ITPR2: variants seen among roughly 807,000 people sequenced by gnomAD.
The protein encoded by ITPR2 is inositol 1,4,5-trisphosphate receptor type 2, also known as inositol 1,4,5-trisphosphate-gated calcium channel ITPR2.
Under a neutral mutation model 317.1 loss-of-function variants are expected in ITPR2, and 207 were observed. The ratio of observed to expected loss-of-function variants is 0.65; its 90% CI spans 0.58 to 0.73. ITPR2 has a LOEUF of 0.73. ITPR2 is among the 30% of genes least tolerant of loss of function. The probability of loss-of-function intolerance (pLI) is 0.00; values close to 1 mark genes in which losing one functional copy is unlikely to be tolerated. For synonymous variants in ITPR2, 1,156 were observed against 1,149.1 expected, an observed-to-expected ratio of 1.01 and a Z score of -0.12; for missense variants, 2,613 against 3,284.0, an observed-to-expected ratio of 0.80 and a Z score of 4.99.
intron 1 of ITPR2, among the ~76,000 whole-genome samples, chr12:26,794,409 G>A (rs61920589): frequency 0.017 from 2,627 of 152,166 alleles, 28 homozygotes; most frequent in Non-Finnish European, 0.027. Context: ...TATTTTCTAC[G>A]TTTTTATTGT....
intron 26 of ITPR2, among the ~76,000 whole-genome samples, chr12:26,608,486 G>A (rs796908628): frequency 7.6e-6 from 1 of 131,860 alleles, no homozygotes; most frequent in African/African-American, 2.6e-5. Flanking sequence ...CTGCCTGGCC[G>A]CCCCACAGTC....
chr12:26,494,120 T>C (rs1025348838), intron 39 of ITPR2, 33 bp downstream of exon 39: 1 of 1,506,682 alleles, frequency 6.6e-7, no homozygotes, highest in Non-Finnish European at 9.0e-7. Context: ...ATACCAATAA[T>C]AAATGTAATC....
At chr12:26,477,381 T>C (rs1230507922) in intron 43 of ITPR2, among the ~76,000 whole-genome samples, 1 of 140,820 alleles carries the variant, frequency 7.1e-6, no homozygotes, top group Non-Finnish European at 1.6e-5. Context: ...ATCAGTAACA[T>C]ATTTTACAGA....
intron 37 of ITPR2, among the ~76,000 whole-genome samples, chr12:26,541,181 G>A (rs921555939): frequency 1.4e-4 from 21 of 147,358 alleles, no homozygotes; most frequent in Non-Finnish European, 3.1e-4. Flanking sequence ...GCTGGACATG[G>A]TGGCAGCCGC....
intron 2 of ITPR2, among the ~76,000 whole-genome samples, chr12:26,743,822 C>T (rs1303472757): frequency 2.0e-5 from 3 of 152,112 alleles, no homozygotes; most frequent in Non-Finnish European, 2.9e-5. Flanking sequence ...ACCCGGGAGG[C>T]GGAGGTTGAG....
intron 1 of ITPR2, among the ~76,000 whole-genome samples, chr12:26,811,897 C>T (rs1273191211): frequency 6.9e-6 from 1 of 145,578 alleles, no homozygotes; most frequent in Non-Finnish European, 1.5e-5. Flanking sequence ...GGCGTGGTGG[C>T]TCAAACCTGT....
intron 26 of ITPR2, among the ~76,000 whole-genome samples, chr12:26,615,907 T>A (rs1946362566): frequency 6.6e-6 from 1 of 152,014 alleles, no homozygotes; most frequent in Non-Finnish European, 1.5e-5. Context: ...TAAGCTTGAT[T>A]TGCCAGTCAT....
intron 45 of ITPR2, among the ~76,000 whole-genome samples, chr12:26,448,491 A>C (rs16930734): frequency 0.12 from 18,241 of 152,206 alleles, 1,205 homozygotes; most frequent in Middle Eastern, 0.17. Context: ...GCAGTTTCAA[A>C]AGAATTTTAG....
At chr12:26,724,523 G>A (rs1296298652) in intron 4 of ITPR2, 133 bp downstream of exon 4, 6 of 666,494 alleles carry the variant, frequency 9.0e-6, no homozygotes, top group Admixed American at 4.7e-5. Context: ...ATCACAATAC[G>A]TCACAACATC....
intron 1 of ITPR2, among the ~76,000 whole-genome samples, chr12:26,811,068 A>G (rs756630661): frequency 6.7e-6 from 1 of 150,106 alleles, no homozygotes; most frequent in African/African-American, 2.5e-5. Flanking sequence ...AAACAGAAAG[A>G]TACTCTAATG....
At chr12:26,725,360 G>C (rs976622855) in intron 3 of ITPR2, among the ~76,000 whole-genome samples, 1 of 152,014 alleles carries the variant, frequency 6.6e-6, no homozygotes, top group Non-Finnish European at 1.5e-5. Context: ...AAATATAACT[G>C]GATTTAATAT....
chr12:26,772,864 C>T (rs889314316), intron 2 of ITPR2, among the ~76,000 whole-genome samples: 6 of 151,686 alleles, frequency 4.0e-5, no homozygotes, highest in East Asian at 3.9e-4. Flanking sequence ...TTTTAAGCCC[C>T]GCATGCATTA....
intron 30 of ITPR2, 68 bp downstream of exon 30, chr12:26,599,077 G>C: frequency 7.3e-7 from 1 of 1,375,498 alleles, no homozygotes; most frequent in Middle Eastern, 1.8e-4. Flanking sequence ...CTTTTTCACT[G>C]TAATAGAAAA....
chr12:26,784,667 G>A (rs1198891058), intron 2 of ITPR2, among the ~76,000 whole-genome samples: 1 of 151,568 alleles, frequency 6.6e-6, no homozygotes, highest in East Asian at 2.0e-4. Context: ...AGGCTGGAGT[G>A]CAGTGGCGTG....
chr12:26,524,038 C>G (rs1943740506), intron 37 of ITPR2, among the ~76,000 whole-genome samples: 1 of 152,182 alleles, frequency 6.6e-6, no homozygotes. Context: ...AAAACAGGGA[C>G]CATTTCCCTA....
At chr12:26,647,582 A>G (rs1248890127) in intron 21 of ITPR2, among the ~76,000 whole-genome samples, 3 of 152,372 alleles carry the variant, frequency 2.0e-5, no homozygotes, top group East Asian at 1.9e-4. Context: ...TTTAACTTCT[A>G]TAAGTGACAA....
At chr12:26,729,899 C>A (rs1320940693) in intron 2 of ITPR2, among the ~76,000 whole-genome samples, 1 of 151,914 alleles carries the variant, frequency 6.6e-6, no homozygotes, top group Non-Finnish European at 1.5e-5. Context: ...GTACAACAAA[C>A]CCCCATGACA....
At chr12:26,552,356 A>AT (rs1296555681) in intron 36 of ITPR2, among the ~76,000 whole-genome samples, 3 of 151,862 alleles carry the variant, frequency 2.0e-5, no homozygotes, top group South Asian at 2.1e-4. Context: ...GCCTGGCTAA[A>AT]TTTTTTTACT....
Position 26,657,864 on chromosome 12 carries a change from T to G in ITPR2, c.2035A>C (p.Met679Leu). ...KVVSMQADNP[M>L]ESSILSDDID... ...TCATCTGAAAGGATGGAGCTCTCCA[T>G]GGGGTTGTCTGCTTGCATTGAGACC... The change falls in exon 18 of 57, where the codon ATG (methionine) becomes CTG (leucine). Residue 679 changes from methionine (M) to leucine (L), a missense_variant. This residue lies in a region of ITPR2 where 817 missense variants were observed against 897.6 expected (regional missense o/e 0.91). Coordinates refer to ENST00000381340, the MANE Select transcript of ITPR2 (RefSeq NM_002223.4). 6.2e-7 allele frequency: 1 copy of G among 1,614,098 alleles called. No homozygotes were observed. The highest frequency in any genetic ancestry group is 1.1e-5 in the South Asian group (1 of 91,052).
Sources: allele counts gnomAD v4.1 joint callset (sites outside exome capture counted in the v4.1 genomes callset), GRCh38; gene constraint gnomAD v4.1.1; regional missense constraint gnomAD v4.1.1; transcripts MANE v1.5; gene names NCBI Gene and HGNC (gene_info 2026-07-23, HGNC 2026-07-21).